The following CFAP54 variants were observed in gnomAD, a reference collection of about 807,000 sequenced individuals.
CFAP54 encodes the protein cilia and flagella associated protein 54, also known as cilia- and flagella-associated protein 54.
Under a neutral mutation model 370.4 loss-of-function variants are expected in CFAP54, and 290 were observed. The observed-to-expected ratio is 0.78, with a 90% CI of 0.71 to 0.86. CFAP54 has a LOEUF of 0.86. CFAP54 is among the 40% of genes least tolerant of loss of function. The pLI is 0.00. For synonymous variants in CFAP54, 1,206 were observed against 1,236.5 expected (o/e 0.98, Z 0.52); for missense variants, 3,399 against 3,528.7 (o/e 0.96, Z 0.93).
At chr12:96,778,447 T>C (rs1436649661) in intron 60 of CFAP54, among the ~76,000 whole-genome samples, 2 of 152,214 alleles carry the variant, frequency 1.3e-5, no homozygotes, top group African/African-American at 4.8e-5. Context: ...ATTCTTCAAC[T>C]TGACTGGCAC....
intron 65 of CFAP54, among the ~76,000 whole-genome samples, chr12:96,825,028 T>C (rs1223723826): frequency 1.3e-5 from 2 of 151,358 alleles, no homozygotes; most frequent in Non-Finnish European, 2.9e-5. Flanking sequence ...ATTGCTTATG[T>C]GTGACTCCCC....
At chr12:96,764,855 T>G (rs925527682) in intron 59 of CFAP54, among the ~76,000 whole-genome samples, 4 of 152,216 alleles carry the variant, frequency 2.6e-5, no homozygotes, top group Non-Finnish European at 4.4e-5. Flanking sequence ...TTAAAGTGAT[T>G]TATGCATTAA....
intron 60 of CFAP54, among the ~76,000 whole-genome samples, chr12:96,770,441 G>C (rs1958449840): frequency 6.6e-6 from 1 of 152,298 alleles, no homozygotes; most frequent in Admixed American, 6.5e-5. Context: ...AGGAGACCCT[G>C]TTTATTTAGA....
At chr12:96,490,892 AAAT>A (rs1191539774) in intron 1 of CFAP54, among the ~76,000 whole-genome samples, 1 of 152,072 alleles carries the variant, frequency 6.6e-6, no homozygotes, top group Non-Finnish European at 1.5e-5. Context: ...ATATGTAAGT[AAAT>A]AATCTTACAA....
In CFAP54 at chr12:96,691,204, C is replaced by A. The variant is rs1957384256; in HGVS notation, c.6158C>A (p.Pro2053Gln). Residue 2053 changes from proline to glutamine, a missense_variant, in exon 44 of 68, where the codon CCA becomes CAA. By Grantham distance (76) the Pro-to-Gln change is moderately conservative (BLOSUM62 -1). This residue lies in a region of CFAP54 where 2,796 missense variants were observed against 2,869.7 expected (regional missense o/e 0.97). Transcript: ENST00000524981. Reference sequence around the variant, plus strand: ...CAATATGAAATCACTCAGCTTCTCCCAGGCATTGAACTCTTCTCAGATAGA... The same window carrying A: ...CAATATGAAATCACTCAGCTTCTCCAAGGCATTGAACTCTTCTCAGATAGA... The part of the protein sequence containing the change: ...YAQYEITQLL[P>Q]GIELFSDRYR... The A allele has an allele frequency of 6.2e-7, 1 of 1,613,510 alleles. No individual in the cohort carries two copies. The highest frequency in any genetic ancestry group is 1.7e-5 in the Admixed American group (1 of 59,962).
rs888894699 is a variant in CFAP54 at position 96,875,327 on chromosome 12, G to A, written c.*224G>A. ...ACTCTAGATATTGCTTTGAGATTTC[G>A]CTGTTGATCAACTGGCCTGCTGCAG... On this transcript the variant is annotated 3_prime_UTR_variant, in exon 68 of 68. Transcript: ENST00000524981. The A allele has an allele frequency of 6.6e-6, 1 of 152,064 alleles. No individual in the cohort carries two copies. The highest frequency in any genetic ancestry group is 1.5e-5 in the Non-Finnish European group (1 of 68,012). 9.4% of individuals were successfully genotyped at this position (152,064 alleles called of 1,614,324 possible).
At chr12:96,638,239 GTGTATATA>G (rs747658025) in intron 32 of CFAP54, among the ~76,000 whole-genome samples, 2,671 of 84,614 alleles carry the variant, frequency 0.032, 44 homozygotes, top group African/African-American at 0.057. Context: ...GTGTGTGTGT[GTGTATATA>G]TATATATATT....
chr12:96,546,659 C>A (rs1270634702), intron 14 of CFAP54, among the ~76,000 whole-genome samples: 1 of 151,982 alleles, frequency 6.6e-6, no homozygotes, highest in Non-Finnish European at 1.5e-5. Flanking sequence ...TGAAACCCTG[C>A]CTCTACTAAA....
chr12:96,744,869 T>TCATA (rs1683330091), intron 55 of CFAP54, among the ~76,000 whole-genome samples: 1 of 152,046 alleles, frequency 6.6e-6, no homozygotes, highest in South Asian at 2.1e-4. Flanking sequence ...CCCCAGTAGG[T>TCATA]CATAGTGTGT....
intron 32 of CFAP54, among the ~76,000 whole-genome samples, chr12:96,641,782 C>G (rs995084412): frequency 9.2e-5 from 14 of 152,162 alleles, no homozygotes; most frequent in Admixed American, 2.6e-4. Flanking sequence ...TTCGTAGGGA[C>G]ATGGATGAAG....
chr12:96,856,830 CA>C (rs1302786407), intron 66 of CFAP54, among the ~76,000 whole-genome samples: 2 of 152,194 alleles, frequency 1.3e-5, no homozygotes, highest in African/African-American at 4.8e-5. Flanking sequence ...TCCACATTTT[CA>C]GGTATCTTTA....
chr12:96,729,474 G>T (rs1432160537), intron 50 of CFAP54, among the ~76,000 whole-genome samples: 1 of 152,218 alleles, frequency 6.6e-6, no homozygotes. Context: ...GGGCGTGGGC[G>T]TAGGACCCTC....
At chr12:96,814,683 G>A (rs1360326634) in intron 64 of CFAP54, among the ~76,000 whole-genome samples, 1 of 152,098 alleles carries the variant, frequency 6.6e-6, no homozygotes, top group Admixed American at 6.6e-5. Flanking sequence ...TTAGGTATTT[G>A]TCCTAATGCT....
chr12:96,576,493 TATAAC>T, intron 19 of CFAP54, 87 bp from the exon 20 acceptor site: 2 of 977,532 alleles, frequency 2.0e-6, no homozygotes, highest in South Asian at 4.2e-5. Context: ...CATATAAAAA[TATAAC>T]ATTGTTTAAC....
rs1592686918 is a variant in CFAP54 at position 96,650,051 on chromosome 12, T to C, written c.4851T>C (p.Phe1617=). ...TAATGGATCATTTTATGAAAATCTT[T>C]TTATACTGCAGGAGAGCAATGGTAA... ...LCVMDHFMKI[F]LYCRRAMVLA... is the part of the protein sequence containing the mutation. The change falls in exon 35 of 68, where the codon TTT becomes TTC. Residue 1617 remains phenylalanine (F), a synonymous_variant. Transcript: ENST00000524981. 1 of 1,612,258 alleles carries C rather than the reference T, an allele frequency of 6.2e-7. No individual in the cohort carries two copies. The highest frequency in any genetic ancestry group is 8.5e-7 in the Non-Finnish European group (1 of 1,179,430).
Position 96,630,134 on chromosome 12 carries a change from A to T in CFAP54, c.4145A>T (p.Lys1382Met). 2.7e-6 allele frequency: 4 copies of T among 1,494,370 alleles called. No individual in the cohort carries two copies. Among genetic ancestry groups the T allele is most frequent in the Non-Finnish European group, 3.6e-6 (4 of 1,115,744 alleles). The allele number at this position is 1,494,370 out of a possible 1,614,324, so 92.6% of individuals were successfully genotyped here. A position where few individuals can be genotyped will look rare whatever the true frequency, so the allele number is the denominator to read the frequency against. ...CTTGGACTAATAAAAGTGAAATATA[A>T]GGATAGTGCTTTGAATAAAAAAGCA... is the stretch of plus-strand genomic sequence containing the variant. ...SLLGLIKVKYKDSALNKKANK... is the reference protein window; with the variant it reads ...SLLGLIKVKYMDSALNKKANK... The change falls in exon 31 of 68, where the codon AAG becomes ATG. Residue 1382 changes from lysine (K) to methionine (M), a missense_variant. This residue lies in a region of CFAP54 where 2,796 missense variants were observed against 2,869.7 expected (regional missense o/e 0.97). Transcript: ENST00000524981.
At chr12:96,718,101 A>G (rs777687897) in intron 48 of CFAP54, among the ~76,000 whole-genome samples, 19 of 152,110 alleles carry the variant, frequency 1.2e-4, no homozygotes, top group Non-Finnish European at 2.2e-4. Flanking sequence ...GCTCATGCCT[A>G]TAATCCCAGC....
At chr12:96,846,919 T>G (rs1405637670) in intron 66 of CFAP54, among the ~76,000 whole-genome samples, 1 of 152,094 alleles carries the variant, frequency 6.6e-6, no homozygotes, top group African/African-American at 2.4e-5. Flanking sequence ...GTCCAATGAT[T>G]CCATTCAATT....
At chr12:96,750,849 C>A (rs1487793969) in intron 55 of CFAP54, among the ~76,000 whole-genome samples, 1 of 152,184 alleles carries the variant, frequency 6.6e-6, no homozygotes, top group Non-Finnish European at 1.5e-5. Flanking sequence ...CCCAAAGCAG[C>A]TTTTCTGTCA....
Sources: gnomAD v4.1 joint callset for allele counts (sites outside exome capture counted in the v4.1 genomes callset) on GRCh38, gnomAD v4.1.1 for gene constraint, gnomAD v4.1.1 regional missense constraint, MANE v1.5 for transcripts, NCBI Gene and HGNC (gene_info 2026-07-23, HGNC 2026-07-21) for gene names.